Variants in EIF2AK1 observed in about 807,000 individuals in gnomAD.
The protein encoded by EIF2AK1 is eukaryotic translation initiation factor 2 alpha kinase 1.
A neutral mutation model predicts 77.9 loss-of-function variants in EIF2AK1; 54 were observed. That is an observed-to-expected ratio of 0.69 (90% CI 0.56 to 0.87). The LOEUF (loss-of-function observed/expected upper bound fraction) is 0.87. EIF2AK1 is among the 40% of genes least tolerant of loss of function. The pLI, the probability that EIF2AK1 is intolerant of heterozygous loss-of-function variation, is 0.00. For missense variants in EIF2AK1, 810 were observed against 768.6 expected (o/e 1.05, Z -0.64); for synonymous variants, 314 against 290.5 (o/e 1.08, Z -0.82).
rs144104736 is a variant in EIF2AK1, at chr7:6,028,970, G to A, written c.1395C>T (p.Ala465=). 3.5e-5 allele frequency: 56 copies of A among 1,612,750 alleles called. No homozygotes were observed. In the African/African-American group the frequency reaches 6.9e-4, roughly 20 times the overall value. The change falls in exon 12 of 15, where the codon GCC becomes GCT. Residue 465 remains alanine (A), a synonymous_variant. Transcript: ENST00000199389. ...QQVKIGDFGL[A]CTDILQKNTD... is the part of the protein sequence containing the mutation. ...TGTTCTTCTGTAGGATGTCTGTGCAGGCCAGACCAAAGTCTCCTATTTTTA... is the reference window on the plus strand; with the variant it reads ...TGTTCTTCTGTAGGATGTCTGTGCAAGCCAGACCAAAGTCTCCTATTTTTA...
chr7:6,054,489 C>T, intron 2 of EIF2AK1, 57 bp downstream of exon 2: 2 of 1,594,504 alleles, frequency 1.3e-6, no homozygotes, highest in Non-Finnish European at 1.7e-6. Context: ...CAGGCATGAA[C>T]CACGGAGCCC....
rs935755970 is a variant in EIF2AK1 at position 6,058,869 on chromosome 7, C to T, written c.118+97G>A. 5.2e-6 allele frequency: 6 copies of T among 1,153,274 alleles called. No homozygotes were observed. The Admixed American group carries it at 1.1e-4, about 22-fold the overall frequency. 71.4% of individuals were successfully genotyped at this position (1,153,274 alleles called of 1,614,324 possible). A position where few individuals can be genotyped will look rare whatever the true frequency, so the allele number is the denominator to read the frequency against. ...TCAACCCTGGAGGCAGCCAAAGTCGCCCAGGTCCTCAGGCAAACCTCAGGG... is the reference window on the plus strand; with the variant it reads ...TCAACCCTGGAGGCAGCCAAAGTCGTCCAGGTCCTCAGGCAAACCTCAGGG... On this transcript the variant is annotated intron_variant, in intron 1 of 14. Coordinates refer to ENST00000199389, the MANE Select transcript of EIF2AK1 (RefSeq NM_014413.4).
At chr7:6,029,554 G>A (rs372205164) in intron 11 of EIF2AK1, among the ~76,000 whole-genome samples, 3 of 151,668 alleles carry the variant, frequency 2.0e-5, no homozygotes, top group African/African-American at 4.8e-5. Context: ...GAACTCCTGC[G>A]GGTGAACGCA....
intron 5 of EIF2AK1, chr7:6,046,362 G>A (rs1389224548): frequency 9.5e-6 from 3 of 315,990 alleles, no homozygotes; most frequent in African/African-American, 4.3e-5. Flanking sequence ...GCTCTAGGCT[G>A]AAGAACGGGA....
Position 6,024,243 on chromosome 7 carries a change from G to C in EIF2AK1, c.*430C>G, listed in dbSNP as rs964765118. 11 of 1,217,318 alleles carry C rather than the reference G, an allele frequency of 9.0e-6. No homozygotes were observed. Among genetic ancestry groups the C allele is most frequent in the Non-Finnish European group, 1.1e-5 (11 of 958,168 alleles). 75.4% of individuals were successfully genotyped at this position (1,217,318 alleles called of 1,614,324 possible). A position where few individuals can be genotyped will look rare whatever the true frequency, so the allele number is the denominator to read the frequency against. On this transcript the variant is annotated 3_prime_UTR_variant, in exon 15 of 15. Coordinates refer to ENST00000199389, the MANE Select transcript of EIF2AK1 (RefSeq NM_014413.4). ...AATGAAATGATGAGGCGTCCTTCAG[G>C]TAATGAACTTCAGCTGCAGTGTGAA... is the stretch of plus-strand genomic sequence containing the variant.
chr7:6,051,784 A>T (rs557254661), intron 2 of EIF2AK1, among the ~76,000 whole-genome samples: 1 of 150,940 alleles, frequency 6.6e-6, no homozygotes, highest in East Asian at 1.9e-4. Context: ...ATTTGTTGCT[A>T]AAAAAAAAGA....
In EIF2AK1 at chr7:6,022,831, G is replaced by A. The variant is rs1314576276; in HGVS notation, c.*1842C>T. 2 of 157,070 alleles carry A rather than the reference G, an allele frequency of 1.3e-5. No individual in the cohort carries two copies. Among genetic ancestry groups the A allele is most frequent in the African/African-American group, 4.8e-5 (2 of 41,476 alleles). 9.7% of individuals were successfully genotyped at this position (157,070 alleles called of 1,614,324 possible). On this transcript the variant is annotated 3_prime_UTR_variant, in exon 15 of 15. Transcript: ENST00000199389. ...TTATCTTCTCATATGGCCATATAAAGATAGGATGTTATGTATTGACTATCC... is the reference window on the plus strand; with the variant it reads ...TTATCTTCTCATATGGCCATATAAAAATAGGATGTTATGTATTGACTATCC...
chr7:6,050,157 A>G (rs2128891270), intron 2 of EIF2AK1, 112 bp from the exon 3 acceptor site: 2 of 773,388 alleles, frequency 2.6e-6, no homozygotes, highest in East Asian at 2.8e-5. Context: ...AAAAACCTCA[A>G]TAGGAAAAAT....
Position 6,052,129 on chromosome 7 carries a change from A to G in EIF2AK1, c.278-2084T>C, listed in dbSNP as rs1385555810. ...GGAGGTTGCAGTGAGCCGAGATCGC[A>G]CTACCGCACTCCAGCCTGGGCGACA... On this transcript the variant is annotated intron_variant, in intron 2 of 14. Transcript: ENST00000199389. Among the ~76,000 whole-genome samples the G allele has an allele frequency of 4.1e-5, 6 of 147,974 alleles. No homozygotes were observed. In the East Asian group the frequency reaches 6.0e-4, roughly 15 times the overall value.
At position 6,023,223 on chromosome 7, in the gene EIF2AK1, G is replaced by A; in HGVS notation, c.*1450C>T. The A allele has an allele frequency of 6.8e-7, 1 of 1,469,370 alleles. No homozygotes were observed. The highest frequency in any genetic ancestry group is 9.0e-7 in the Non-Finnish European group (1 of 1,105,018). The allele number at this position is 1,469,370 out of a possible 1,614,324, so 91.0% of individuals were successfully genotyped here. ...ATGTCATCAGTCTGTGGTGTTTGGT[G>A]ACTGTCCCCTTCCCCACTGTGCGAG... is the stretch of plus-strand genomic sequence containing the variant. On this transcript the variant is annotated 3_prime_UTR_variant, in exon 15 of 15. Coordinates refer to ENST00000199389, the MANE Select transcript of EIF2AK1 (RefSeq NM_014413.4).
At position 6,027,889 on chromosome 7, in the gene EIF2AK1, C is replaced by T. The variant is rs190464225; in HGVS notation, c.1530+726G>A. On this transcript the variant is annotated intron_variant, in intron 13 of 14. Transcript: ENST00000199389. The surrounding 1 kb of genome is among the most constrained non-coding windows in gnomAD (Gnocchi z 4.5). ...AGACCAACCTGGACAAAGCAAGACC[C>T]ATCTCTACAAATAATTTTTTTTATT... The T allele has an allele frequency of 4.6e-4, 204 of 442,888 alleles. No homozygotes were observed. The highest frequency in any genetic ancestry group is 3.5e-3 in the African/African-American group (172 of 49,754). 27.4% of individuals were successfully genotyped at this position (442,888 alleles called of 1,614,324 possible).
chr7:6,048,687 A>G (rs983036481), intron 4 of EIF2AK1, 120 bp downstream of exon 4: 26 of 831,442 alleles, frequency 3.1e-5, no homozygotes, highest in Admixed American at 9.7e-5. Context: ...TGCTGAGAAC[A>G]AAGTTTTTAA....
chr7:6,056,215 C>G (rs1788754422), intron 1 of EIF2AK1, among the ~76,000 whole-genome samples: 1 of 148,146 alleles, frequency 6.8e-6, no homozygotes, highest in African/African-American at 2.5e-5. Context: ...ATTGCTTGAA[C>G]CCAGGAGGTG....
chr7:6,035,502 A>G lies in EIF2AK1; in HGVS notation c.1332+1922T>C, dbSNP rs1343750584. ...GCTACTGCACTGGCCAGTCACTTCC[A>G]CCACGTGGGCAAAACCAGGCAACAG... On this transcript the variant is annotated intron_variant, in intron 11 of 14. Coordinates refer to ENST00000199389, the MANE Select transcript of EIF2AK1 (RefSeq NM_014413.4). This position sits in a 1 kb window ranked among gnomAD's most constrained non-coding sequence, Gnocchi z 5.5. The G allele has an allele frequency of 2.6e-6, 4 of 1,550,830 alleles. No homozygotes were observed. The East Asian group carries it at 9.8e-5, about 38-fold the overall frequency.
intron 2 of EIF2AK1, among the ~76,000 whole-genome samples, chr7:6,053,874 G>A (rs1788678036): frequency 6.7e-6 from 1 of 149,294 alleles, no homozygotes; most frequent in Non-Finnish European, 1.5e-5. Context: ...ATTTCACCAT[G>A]TTGGTCAGGC....
At chr7:6,039,448 C>T (rs1371048141) in intron 9 of EIF2AK1, among the ~76,000 whole-genome samples, 4 of 151,550 alleles carry the variant, frequency 2.6e-5, no homozygotes, top group African/African-American at 4.9e-5. Context: ...GATGAAACCT[C>T]GTCTCTACTA....
rs368661636 is a variant in EIF2AK1 at position 6,028,660 on chromosome 7, C to T, written c.1485G>A (p.Leu495=). The change falls in exon 13 of 15, where the codon CTG becomes CTA. Residue 495 remains leucine, a synonymous_variant. Transcript: ENST00000199389. ...PTHTSRVGTC[L]YASPEQLEGS... is the part of the protein sequence containing the mutation. ...CTTCCAACTGTTCGGGTGAAGCGTA[C>T]AGACAAGTACCCACTCTGGACGTAT... The T allele has an allele frequency of 9.9e-6, 16 of 1,614,096 alleles. No homozygotes were observed. The South Asian group carries it at 1.2e-4, about 12-fold the overall frequency.
chr7:6,047,159 G>A (rs1436089531), intron 4 of EIF2AK1, 68 bp from the exon 5 acceptor site: 2 of 1,443,782 alleles, frequency 1.4e-6, no homozygotes, highest in African/African-American at 1.4e-5. Context: ...GATACCTCAT[G>A]CTCACAGGAT....
intron 3 of EIF2AK1, 26 bp from the exon 4 acceptor site, chr7:6,048,870 A>C: frequency 6.5e-7 from 1 of 1,534,270 alleles, no homozygotes; most frequent in Non-Finnish European, 8.8e-7. Context: ...TGTTTTTAAA[A>C]AGCATTTTGA....
Sources: allele counts gnomAD v4.1 joint callset (sites outside exome capture counted in the v4.1 genomes callset), GRCh38; gene constraint gnomAD v4.1.1; non-coding constraint Gnocchi (gnomAD v3.1); transcripts MANE v1.5; gene names NCBI Gene and HGNC (gene_info 2026-07-23, HGNC 2026-07-21).